The following MAP3K20 variants were observed in gnomAD, a reference collection of about 807,000 sequenced individuals.
The protein encoded by MAP3K20 is mitogen-activated protein kinase kinase kinase 20, also known as HCCS-4.
In MAP3K20, 40 loss-of-function variants were observed where a neutral mutation model predicts 85.7. That is an observed-to-expected ratio of 0.47 (90% confidence interval 0.36 to 0.61). The LOEUF is 0.61. MAP3K20 is among the 20% of genes least tolerant of loss of function. The pLI is 0.00. For synonymous variants in MAP3K20, 325 were observed against 327.7 expected (o/e 0.99, Z 0.09); for missense variants, 817 against 961.7 (o/e 0.85, Z 1.99).
chr2:173,110,188 A>G (rs1687902329), intron 2 of MAP3K20, among the ~76,000 whole-genome samples: 1 of 133,938 alleles, frequency 7.5e-6, no homozygotes, highest in Admixed American at 7.7e-5. Context: ...AATATATATA[A>G]TATATGTTAT....
At chr2:173,262,260 TTGA>T (rs1009961547) in intron 18 of MAP3K20, among the ~76,000 whole-genome samples, 4 of 152,134 alleles carry the variant, frequency 2.6e-5, no homozygotes, top group Non-Finnish European at 5.9e-5. Context: ...GTGTGGCATT[TTGA>T]TGGTTTCCTG....
At chr2:173,188,864 T>C (rs2106272402) in intron 5 of MAP3K20, among the ~76,000 whole-genome samples, 1 of 152,336 alleles carries the variant, frequency 6.6e-6, no homozygotes, top group Middle Eastern at 3.4e-3. Context: ...GTTTTATGAA[T>C]TTGTAAATTT....
rs1477358097 is a variant in MAP3K20, at chr2:173,267,467, T to A, written c.*717T>A. 1.3e-5 allele frequency: 2 copies of A among 152,164 alleles called. No homozygotes were observed. Among genetic ancestry groups the A allele is most frequent in the African/African-American group, 4.8e-5 (2 of 41,408 alleles). The allele number at this position is 152,164 out of a possible 1,614,324, so 9.4% of individuals were successfully genotyped here. A position where few individuals can be genotyped will look rare whatever the true frequency, so the allele number is the denominator to read the frequency against. The stretch of plus-strand genomic sequence containing the variant: ...ATTTGTGTCTGTATGATGGTCAGAG[T>A]TGAACTGATCTGGCTTGTCATTTTT... On this transcript the variant is annotated 3_prime_UTR_variant, in exon 20 of 20. Coordinates refer to ENST00000375213, the MANE Select transcript of MAP3K20 (RefSeq NM_016653.3).
intron 2 of MAP3K20, among the ~76,000 whole-genome samples, chr2:173,128,925 T>TC (rs975149690): frequency 2.3e-4 from 34 of 146,840 alleles, no homozygotes; most frequent in Middle Eastern, 3.5e-3. Context: ...TCTTTTCTTT[T>TC]TTTTTTTTTT....
Position 173,191,057 on chromosome 2 carries a change from C to T in MAP3K20, c.462C>T (p.Ala154=). The T allele has an allele frequency of 6.2e-7, 1 of 1,613,812 alleles. No individual in the cohort carries two copies. The highest frequency in any genetic ancestry group is 1.3e-5 in the African/African-American group (1 of 74,984). Reference sequence around the variant, plus strand: ...TTTCTCAGATCTGTGACTTTGGTGCCTCTCGGTTCCATAACCATACAACAC... The same window carrying T: ...TTTCTCAGATCTGTGACTTTGGTGCTTCTCGGTTCCATAACCATACAACAC... ...DGVLKICDFG[A]SRFHNHTTHM... The change falls in exon 7 of 20, where the codon GCC becomes GCT. Residue 154 remains alanine, a synonymous_variant. Coordinates refer to ENST00000375213, the MANE Select transcript of MAP3K20 (RefSeq NM_016653.3).
At chr2:173,177,240 A>G (rs147751212) in intron 3 of MAP3K20, among the ~76,000 whole-genome samples, 231 of 152,314 alleles carry the variant, frequency 1.5e-3, no homozygotes, top group Non-Finnish European at 2.7e-3. Flanking sequence ...CACATGGAAC[A>G]TTCTCCAGAA....
intron 2 of MAP3K20, among the ~76,000 whole-genome samples, chr2:173,101,479 C>T (rs1046939247): frequency 2.0e-5 from 3 of 152,108 alleles, no homozygotes; most frequent in African/African-American, 4.8e-5. Flanking sequence ...AATATTTGTT[C>T]TACAGCCATG....
intron 11 of MAP3K20, chr2:173,224,921 C>T: frequency 4.1e-6 from 4 of 985,122 alleles, no homozygotes; most frequent in Non-Finnish European, 4.8e-6. Context: ...TTTGAAATGG[C>T]AATTATCAGT....
At chr2:173,188,698 T>A (rs991647287) in intron 5 of MAP3K20, among the ~76,000 whole-genome samples, 3 of 152,148 alleles carry the variant, frequency 2.0e-5, no homozygotes, top group Non-Finnish European at 4.4e-5. Flanking sequence ...GGACCACCAA[T>A]TTAACCCTGT....
chr2:173,215,362 C>G (rs553545874), intron 10 of MAP3K20, among the ~76,000 whole-genome samples: 1 of 152,208 alleles, frequency 6.6e-6, no homozygotes, highest in African/African-American at 2.4e-5. Context: ...AAAATTTACC[C>G]TAAGGTTTTT....
At position 173,261,236 on chromosome 2, in the gene MAP3K20, C is replaced by G. The variant is rs1405608007; in HGVS notation, c.1551+99C>G. ...CATATAATTTATTGGGAGATATACC[C>G]AGAGCATATAATTTATTGGGAGTAA... is the stretch of plus-strand genomic sequence containing the variant. On this transcript the variant is annotated intron_variant, in intron 18 of 19. Transcript: ENST00000375213. 6 of 1,243,964 alleles carry G rather than the reference C, an allele frequency of 4.8e-6. No individual in the cohort carries two copies. The Admixed American group carries it at 1.3e-4, about 26-fold the overall frequency. The allele number at this position is 1,243,964 out of a possible 1,614,324, so 77.1% of individuals were successfully genotyped here. A position where few individuals can be genotyped will look rare whatever the true frequency, so the allele number is the denominator to read the frequency against.
intron 1 of MAP3K20, among the ~76,000 whole-genome samples, chr2:173,086,980 C>T (rs1687161870): frequency 6.6e-6 from 1 of 152,242 alleles, no homozygotes; most frequent in African/African-American, 2.4e-5. Context: ...CTCCGGGGCA[C>T]TTGTAAAAAT....
At chr2:173,141,633 A>G (rs981892429) in intron 2 of MAP3K20, among the ~76,000 whole-genome samples, 3 of 152,072 alleles carry the variant, frequency 2.0e-5, no homozygotes, top group Non-Finnish European at 4.4e-5. Context: ...GAGAGAGGGG[A>G]TGGATAGAAA....
At chr2:173,111,101 T>A (rs1030013511) in intron 2 of MAP3K20, among the ~76,000 whole-genome samples, 40 of 152,328 alleles carry the variant, frequency 2.6e-4, no homozygotes, top group African/African-American at 8.7e-4. Flanking sequence ...TATTGTTTTT[T>A]GATTTTTTTG....
At chr2:173,259,058 A>AT (rs1462290196) in intron 17 of MAP3K20, among the ~76,000 whole-genome samples, 1 of 152,002 alleles carries the variant, frequency 6.6e-6, no homozygotes, top group Non-Finnish European at 1.5e-5. Flanking sequence ...TTTTTTTTTA[A>AT]TTTTTTTGTC....
At chr2:173,139,933 G>A (rs1224662079) in intron 2 of MAP3K20, among the ~76,000 whole-genome samples, 2 of 152,068 alleles carry the variant, frequency 1.3e-5, no homozygotes, top group South Asian at 2.1e-4. Flanking sequence ...CATGTTCAGT[G>A]TAAAACAAGA....
chr2:173,247,624 T>C (rs560756152), intron 16 of MAP3K20, among the ~76,000 whole-genome samples: 2 of 152,348 alleles, frequency 1.3e-5, no homozygotes, highest in East Asian at 3.9e-4. Context: ...AGATCTACTG[T>C]ACAGCATAGT....
chr2:173,243,945 G>C (rs1684858211), intron 16 of MAP3K20, among the ~76,000 whole-genome samples: 1 of 152,146 alleles, frequency 6.6e-6, no homozygotes, highest in Non-Finnish European at 1.5e-5. Flanking sequence ...GTTTTTAACA[G>C]ATCTTTCAGA....
chr2:173,198,381 G>T lies in MAP3K20; in HGVS notation c.669+269G>T, dbSNP rs1021391009. 1 of 217,680 alleles carries T rather than the reference G, an allele frequency of 4.6e-6. No homozygotes were observed. The highest frequency in any genetic ancestry group is 8.0e-5 in the South Asian group (1 of 12,480). 13.5% of individuals were successfully genotyped at this position (217,680 alleles called of 1,614,324 possible). A position where few individuals can be genotyped will look rare whatever the true frequency, so the allele number is the denominator to read the frequency against. On this transcript the variant is annotated intron_variant, in intron 8 of 19. Coordinates refer to ENST00000375213, the MANE Select transcript of MAP3K20 (RefSeq NM_016653.3). The surrounding 1 kb of genome is among the most constrained non-coding windows in gnomAD (Gnocchi z 5.8). ...TCAGTCTCAATTGTAAAACCTAGGG[G>T]TTTGTTCTTAGTGATGAAAGAAGCC... is the stretch of plus-strand genomic sequence containing the variant.
Sources: allele counts gnomAD v4.1 joint callset (sites outside exome capture counted in the v4.1 genomes callset), GRCh38; gene constraint gnomAD v4.1.1; non-coding constraint Gnocchi (gnomAD v3.1); transcripts MANE v1.5; gene names NCBI Gene and HGNC (gene_info 2026-07-23, HGNC 2026-07-21).